SULT2B1: variants seen among roughly 807,000 people sequenced by gnomAD.
SULT2B1 encodes sulfotransferase family 2B member 1, also known as sulfotransferase 2B1.
Under a neutral mutation model 33.2 loss-of-function variants are expected in SULT2B1, and 16 were observed. The observed-to-expected ratio is 0.48, with a 90% CI of 0.33 to 0.73. SULT2B1 has a LOEUF of 0.73. Among genes scored for constraint, SULT2B1 ranks in the 30% least tolerant of loss-of-function variants. SULT2B1 has a pLI of 0.02. For synonymous variants in SULT2B1, 186 were observed against 200.5 expected (o/e 0.93, Z 0.61); for missense variants, 500 against 506.0 (o/e 0.99, Z 0.11).
intron 2 of SULT2B1, among the ~76,000 whole-genome samples, chr19:48,585,836 A>G (rs1263051461): frequency 6.6e-6 from 1 of 152,082 alleles, no homozygotes; most frequent in African/African-American, 2.4e-5. Context: ...TAATAAAAAA[A>G]GGGGTGACCC....
intron 2 of SULT2B1, among the ~76,000 whole-genome samples, chr19:48,579,835 G>C (rs1000807419): frequency 6.6e-6 from 1 of 151,016 alleles, no homozygotes; most frequent in African/African-American, 2.4e-5. Flanking sequence ...TCGAACTCCT[G>C]ACCTCAGGTG....
chr19:48,560,446 G>C (rs1181701765), intron 1 of SULT2B1, among the ~76,000 whole-genome samples: 1 of 151,666 alleles, frequency 6.6e-6, no homozygotes, highest in East Asian at 1.9e-4. Flanking sequence ...TGGAACTGCA[G>C]TCAGAGGCTG....
intron 2 of SULT2B1, among the ~76,000 whole-genome samples, chr19:48,584,057 A>C (rs1411352917): frequency 6.6e-6 from 1 of 152,146 alleles, no homozygotes; most frequent in Non-Finnish European, 1.5e-5. Context: ...GGTTGCAGTG[A>C]GCTGAGATCG....
chr19:48,587,422 C>T lies in SULT2B1; in HGVS notation c.408C>T (p.Phe136=), dbSNP rs759460229. 5 of 1,614,000 alleles carry T rather than the reference C, an allele frequency of 3.1e-6. No individual in the cohort carries two copies. ...LPIQIFTKAF[F]SSKAKVIYMG... ...TCCAGATCTTCACCAAGGCCTTCTT[C>T]AGCTCCAAGGCCAAGGTTGGGAGGA... Residue 136 remains phenylalanine (F), a synonymous_variant, in exon 3 of 7, where the codon TTC becomes TTT. Coordinates refer to ENST00000201586, the MANE Select transcript of SULT2B1 (RefSeq NM_177973.2).
chr19:48,588,209 C>CA (rs36003772), intron 3 of SULT2B1, among the ~76,000 whole-genome samples: 22,749 of 115,894 alleles, frequency 0.2, 2,198 homozygotes, highest in African/African-American at 0.25. Context: ...GATTTCATCT[C>CA]AAAAAAAAAA....
intron 2 of SULT2B1, among the ~76,000 whole-genome samples, chr19:48,578,267 A>T (rs1973440490): frequency 6.6e-6 from 1 of 152,060 alleles, no homozygotes; most frequent in Non-Finnish European, 1.5e-5. Flanking sequence ...GGAGCTGGTC[A>T]TCCATCACCA....
chr19:48,572,131 G>A (rs1436365800), intron 1 of SULT2B1, among the ~76,000 whole-genome samples: 1 of 152,120 alleles, frequency 6.6e-6, no homozygotes, highest in African/African-American at 2.4e-5. Context: ...ATTGGAGGGG[G>A]ATGGACAGAG....
intron 3 of SULT2B1, among the ~76,000 whole-genome samples, chr19:48,587,890 CAAAAAAAAAAAAAAAAAA>C (rs67551728): frequency 7.5e-5 from 3 of 39,880 alleles, no homozygotes; most frequent in Admixed American, 8.6e-4. Context: ...AAGACTGTCT[CAAAAAAAAAAAAAAAAAA>C]AAAAAAAAAA....
chr19:48,553,905 A>T (rs559078634), intron 1 of SULT2B1, among the ~76,000 whole-genome samples: 1 of 152,310 alleles, frequency 6.6e-6, no homozygotes, highest in South Asian at 2.1e-4. Context: ...CAGATAAGCC[A>T]GCTCGCCTCC....
At chr19:48,555,934 T>A (rs1192303406) in intron 1 of SULT2B1, among the ~76,000 whole-genome samples, 2 of 152,122 alleles carry the variant, frequency 1.3e-5, no homozygotes, top group Non-Finnish European at 2.9e-5. Context: ...GAAACGGGGT[T>A]TCACCATGTT....
chr19:48,558,311 G>T (rs1601085397), intron 1 of SULT2B1, among the ~76,000 whole-genome samples: 1 of 150,294 alleles, frequency 6.7e-6, no homozygotes, highest in African/African-American at 2.4e-5. Context: ...GATCCGGGAG[G>T]GAGACTCAGC....
At chr19:48,564,710 T>C (rs926551984) in intron 1 of SULT2B1, among the ~76,000 whole-genome samples, 1 of 152,068 alleles carries the variant, frequency 6.6e-6, no homozygotes, top group Non-Finnish European at 1.5e-5. Flanking sequence ...CCTTTCAGGA[T>C]ACACTTAAAT....
chr19:48,575,470 ATATATATATATT>A (rs1973391200), intron 1 of SULT2B1: 3 of 147,340 alleles, frequency 2.0e-5, no homozygotes, highest in Admixed American at 1.4e-4. Context: ...AAAAATATAT[ATATATATATATT>A]TATATATATT....
chr19:48,591,815 G>A lies in SULT2B1; in HGVS notation c.550+80G>A, dbSNP rs193158928. On this transcript the variant is annotated intron_variant, in intron 4 of 6. Transcript: ENST00000201586. ...TGATGGGCAGAGGGACAGAGGAGGGGTAAGAAAGGGAGAGAGACAGAGACA... is the reference window on the plus strand; with the variant it reads ...TGATGGGCAGAGGGACAGAGGAGGGATAAGAAAGGGAGAGAGACAGAGACA... 1.9e-4 allele frequency: 271 copies of A among 1,445,004 alleles called. 1 individual carries two copies. The African/African-American group carries it at 3.6e-3, about 19-fold the overall frequency. 89.5% of individuals were successfully genotyped at this position (1,445,004 alleles called of 1,614,324 possible). A position where few individuals can be genotyped will look rare whatever the true frequency, so the allele number is the denominator to read the frequency against.
chr19:48,599,362 A>T lies in SULT2B1; in HGVS notation c.1054A>T (p.Ser352Cys), dbSNP rs1487375036. 6.4e-7 allele frequency: 1 copy of T among 1,567,484 alleles called. No individual in the cohort carries two copies. The highest frequency in any genetic ancestry group is 1.4e-5 in the African/African-American group (1 of 73,798). ...CAGACCCAACTCCAGCCCCAGCCCC[A>T]GCCCCGGCCAGGCCTCTGAGACCCC... ...EPRPNSSPSPSPGQASETPHP... is the reference protein window; with the variant it reads ...EPRPNSSPSPCPGQASETPHP... Residue 352 changes from serine (S) to cysteine (C), a missense_variant, in exon 7 of 7, where the codon AGC (serine) becomes TGC (cysteine). Physicochemically the swap from Ser to Cys is moderately radical, Grantham distance 112 (BLOSUM62 -1). Coordinates refer to ENST00000201586, the MANE Select transcript of SULT2B1 (RefSeq NM_177973.2). This position sits in a 1 kb window ranked among gnomAD's most constrained non-coding sequence, Gnocchi z 4.1.
At chr19:48,597,712 C>T (rs1361780996) in intron 6 of SULT2B1, among the ~76,000 whole-genome samples, 5 of 142,860 alleles carry the variant, frequency 3.5e-5, no homozygotes, top group African/African-American at 1.3e-4. Flanking sequence ...GGCGCGATCT[C>T]GGCTCACTGC....
intron 1 of SULT2B1, among the ~76,000 whole-genome samples, chr19:48,573,409 G>A (rs998739811): frequency 3.3e-5 from 5 of 152,052 alleles, no homozygotes; most frequent in Non-Finnish European, 7.3e-5. Context: ...GTTTGTCTAC[G>A]TCCCAGGCGT....
intron 1 of SULT2B1, among the ~76,000 whole-genome samples, chr19:48,573,684 G>A (rs1056913522): frequency 6.6e-6 from 1 of 152,046 alleles, no homozygotes; most frequent in Non-Finnish European, 1.5e-5. Flanking sequence ...GGGAAGGAGG[G>A]ACTGAGTCTA....
At chr19:48,557,703 G>T (rs1041007148) in intron 1 of SULT2B1, among the ~76,000 whole-genome samples, 1 of 151,974 alleles carries the variant, frequency 6.6e-6, no homozygotes, top group Non-Finnish European at 1.5e-5. Flanking sequence ...GATCACCTGA[G>T]GTCGATAGTT....
Sources: allele counts gnomAD v4.1 joint callset (sites outside exome capture counted in the v4.1 genomes callset), GRCh38; gene constraint gnomAD v4.1.1; non-coding constraint Gnocchi (gnomAD v3.1); transcripts MANE v1.5; gene names NCBI Gene and HGNC (gene_info 2026-07-23, HGNC 2026-07-21).